Variants in PKHD1 observed in about 807,000 individuals in gnomAD.
The protein encoded by PKHD1 is fibrocystin.
PKHD1 carries 291 observed loss-of-function variants against 412.0 expected under a neutral mutation model. That is an observed-to-expected ratio of 0.71 (90% CI 0.64 to 0.78). The LOEUF (loss-of-function observed/expected upper bound fraction) is 0.78, where lower values mean the gene tolerates loss of function less well. PKHD1 is among the 30% of genes least tolerant of loss of function. The probability of loss-of-function intolerance (pLI) is 0.00; values close to 1 mark genes in which losing one functional copy is unlikely to be tolerated. For synonymous variants in PKHD1, 1,777 were observed against 1,821.5 expected (o/e 0.98, Z 0.62); for missense variants, 4,825 against 4,950.7 (o/e 0.97, Z 0.76).
chr6:52,069,547 C>T lies in PKHD1; in HGVS notation c.708-20G>A. 1 of 1,600,254 alleles carries T rather than the reference C, an allele frequency of 6.2e-7. No homozygotes were observed. Among genetic ancestry groups the T allele is most frequent in the Non-Finnish European group, 8.6e-7 (1 of 1,167,488 alleles). On this transcript the variant is annotated intron_variant, in intron 10 of 66. Transcript: ENST00000371117. Reference sequence around the variant, plus strand: ...ATTGACCTTCGAAAAAGACAAAGTTCTGTTTTGAATGAAAATATCAACTGG... The same window carrying T: ...ATTGACCTTCGAAAAAGACAAAGTTTTGTTTTGAATGAAAATATCAACTGG...
intron 60 of PKHD1, among the ~76,000 whole-genome samples, chr6:51,662,966 T>A (rs769708154): frequency 6.6e-6 from 1 of 152,222 alleles, no homozygotes; most frequent in East Asian, 1.9e-4. Flanking sequence ...CTCCTTTTTT[T>A]AACCTTCACA....
rs934418532 is a variant in PKHD1 at position 52,070,943 on chromosome 6, T to G, written c.667+63A>C. The G allele has an allele frequency of 3.0e-5, 30 of 1,002,116 alleles. No individual in the cohort carries two copies. The African/African-American group carries it at 4.6e-4, about 15-fold the overall frequency. The allele number at this position is 1,002,116 out of a possible 1,614,324, so 62.1% of individuals were successfully genotyped here. On this transcript the variant is annotated intron_variant, in intron 9 of 66. Transcript: ENST00000371117. ...CATGAGAACCAATCTTGCAATTGCT[T>G]TTGTCCGGATACAGAGAAAGAAATG...
At position 51,699,548 on chromosome 6, in the gene PKHD1, TG is replaced by T. The variant is rs1420968660; in HGVS notation, c.10157-39580del. The stretch of plus-strand genomic sequence containing the variant: ...GAATGTTCATTCTTCTAAAAATTTT[TG>T]TTGAATATAACTTTTTATTTCTCTA... On this transcript the variant is annotated intron_variant, in intron 60 of 66. Transcript: ENST00000371117. 4.6e-5 allele frequency among the ~76,000 whole-genome samples: 7 copies of T among 152,314 alleles called. No homozygotes were observed. The East Asian group carries it at 1.3e-3, about 29-fold the overall frequency.
rs115547484 is a variant in PKHD1, at chr6:51,910,810, G to A, written c.6490+989C>T. ...ATTCTTTTTAGAATGACACATTTGT[G>A]AGTAGATGATTTGTAGGGAGGGAGG... On this transcript the variant is annotated intron_variant, in intron 39 of 66. Coordinates refer to ENST00000371117, the MANE Select transcript of PKHD1 (RefSeq NM_138694.4). 4.3e-3 allele frequency among the ~76,000 whole-genome samples: 647 copies of A among 152,172 alleles called. 5 individuals are homozygous for A. Among genetic ancestry groups the A allele is most frequent in the African/African-American group, 0.014 (600 of 41,516 alleles).
intron 34 of PKHD1, among the ~76,000 whole-genome samples, chr6:52,015,909 T>C (rs925100354): frequency 1.3e-5 from 2 of 152,168 alleles, no homozygotes; most frequent in African/African-American, 4.8e-5. Context: ...ATGATATTCA[T>C]AGGTAAAGCT....
At chr6:51,794,534 T>C (rs1189678620) in intron 52 of PKHD1, among the ~76,000 whole-genome samples, 1 of 152,220 alleles carries the variant, frequency 6.6e-6, no homozygotes, top group African/African-American at 2.4e-5. Context: ...TTATATCCCA[T>C]TTGTCAATTT....
At chr6:51,804,106 C>A (rs909883486) in intron 52 of PKHD1, among the ~76,000 whole-genome samples, 2 of 151,340 alleles carry the variant, frequency 1.3e-5, no homozygotes, top group Admixed American at 1.3e-4. Context: ...AAAGCCCAGG[C>A]AACATTTCAA....
intron 60 of PKHD1, among the ~76,000 whole-genome samples, chr6:51,729,444 C>T (rs1023572092): frequency 6.6e-6 from 1 of 152,084 alleles, no homozygotes; most frequent in Non-Finnish European, 1.5e-5. Flanking sequence ...TTTTTAATGG[C>T]AACCTTCTAG....
At chr6:51,923,052 G>A (rs918491526) in intron 37 of PKHD1, among the ~76,000 whole-genome samples, 1 of 152,154 alleles carries the variant, frequency 6.6e-6, no homozygotes, top group Non-Finnish European at 1.5e-5. Context: ...GACTGGAGTT[G>A]TTCCTATTCA....
At chr6:51,690,375 A>C (rs967639643) in intron 60 of PKHD1, among the ~76,000 whole-genome samples, 4 of 152,112 alleles carry the variant, frequency 2.6e-5, no homozygotes, top group Non-Finnish European at 5.9e-5. Context: ...CCTAAGCAAA[A>C]AGAATAAAGC....
At chr6:51,953,550 C>G (rs1299741797) in intron 36 of PKHD1, among the ~76,000 whole-genome samples, 5 of 151,304 alleles carry the variant, frequency 3.3e-5, no homozygotes, top group African/African-American at 1.2e-4. Flanking sequence ...CTGAGGCTGG[C>G]TTAGTGCTAA....
chr6:52,021,482 G>T (rs939252006), intron 33 of PKHD1, among the ~76,000 whole-genome samples: 1 of 152,116 alleles, frequency 6.6e-6, no homozygotes, highest in Non-Finnish European at 1.5e-5. Context: ...GCCTATAAAT[G>T]TGCAGTCTTA....
At chr6:52,024,526 C>G (rs1452799486) in intron 32 of PKHD1, 48 bp downstream of exon 32, 1 of 1,547,574 alleles carries the variant, frequency 6.5e-7, no homozygotes. Context: ...AAGGAGCTAC[C>G]AATTCATTTA....
At chr6:51,979,576 T>A (rs554560102) in intron 35 of PKHD1, among the ~76,000 whole-genome samples, 1 of 151,456 alleles carries the variant, frequency 6.6e-6, no homozygotes, top group Non-Finnish European at 1.5e-5. Context: ...CCCCAACACA[T>A]AGTCACCCAC....
chr6:51,699,815 G>A (rs773145213), intron 60 of PKHD1, among the ~76,000 whole-genome samples: 4 of 151,816 alleles, frequency 2.6e-5, no homozygotes, highest in African/African-American at 7.3e-5. Context: ...GGGCTATTAC[G>A]AAGATCAGAA....
rs1581893486 is a variant in PKHD1, at chr6:51,659,590, T to C, written c.10536A>G (p.Glu3512=). 4 of 1,613,684 alleles carry C rather than the reference T, an allele frequency of 2.5e-6. No homozygotes were observed. Among genetic ancestry groups the C allele is most frequent in the Non-Finnish European group, 8.5e-7 (1 of 1,179,836 alleles). Residue 3512 remains glutamate, a synonymous_variant, in exon 61 of 67, where the codon GAA becomes GAG. Transcript: ENST00000371117. ...GAACCAGAGTGGGTGGAATAAAACT[T>C]TCCCCTAAGAAGACGTGGGGGCTCT... ...ELQSPHVFLG[E]SFIPPTLVQS...
chr6:52,047,256 AT>A (rs2128190284), intron 23 of PKHD1, among the ~76,000 whole-genome samples: 1 of 152,208 alleles, frequency 6.6e-6, no homozygotes, highest in African/African-American at 2.4e-5. Context: ...GCAGGGCACG[AT>A]TGATGTTTTT....
intron 34 of PKHD1, among the ~76,000 whole-genome samples, chr6:52,013,682 C>A: frequency 6.6e-6 from 1 of 152,080 alleles, no homozygotes. Flanking sequence ...CACACACACA[C>A]ATATTTACTT....
rs751148105 is a variant in PKHD1 at position 52,042,980 on chromosome 6, C to T, written c.2976G>A (p.Met992Ile). The T allele has an allele frequency of 6.2e-7, 1 of 1,614,018 alleles. No homozygotes were observed. The highest frequency in any genetic ancestry group is 2.2e-5 in the East Asian group (1 of 44,876). The change falls in exon 27 of 67, where the codon ATG becomes ATA. Residue 992 changes from methionine to isoleucine, a missense_variant. Coordinates refer to ENST00000371117, the MANE Select transcript of PKHD1 (RefSeq NM_138694.4). ...VCQTDLLPVG[M>I]HRILMLVRPS... ...GTCTCACCAACATCAAGATCCGATGCATTCCAACAGGTAGCAAATCTGTCT... is the reference window on the plus strand; with the variant it reads ...GTCTCACCAACATCAAGATCCGATGTATTCCAACAGGTAGCAAATCTGTCT...
Sources: gnomAD v4.1 joint callset for allele counts (sites outside exome capture counted in the v4.1 genomes callset) on GRCh38, gnomAD v4.1.1 for gene constraint, MANE v1.5 for transcripts, NCBI Gene and HGNC (gene_info 2026-07-23, HGNC 2026-07-21) for gene names.